Variants in ZDHHC11 observed in about 807,000 individuals in gnomAD.
The protein encoded by ZDHHC11 is palmitoyltransferase ZDHHC11.
In ZDHHC11, 44 loss-of-function variants were observed where a neutral mutation model predicts 51.3. That is an observed-to-expected ratio of 0.86 (90% CI 0.67 to 1.10). The LOEUF (loss-of-function observed/expected upper bound fraction) is 1.10, where lower values mean the gene tolerates loss of function less well. Among genes scored for constraint, ZDHHC11 ranks in the 50% least tolerant of loss-of-function variants. The pLI, the probability that ZDHHC11 is intolerant of heterozygous loss-of-function variation, is 0.00. For synonymous variants in ZDHHC11, 163 were observed against 222.0 expected, an observed-to-expected ratio of 0.73 and a Z score of 2.36; for missense variants, 400 against 537.7, an observed-to-expected ratio of 0.74 and a Z score of 2.53.
chr5:842,979 C>G (rs938958225), intron 4 of ZDHHC11, among the ~76,000 whole-genome samples: 1 of 152,268 alleles, frequency 6.6e-6, no homozygotes, highest in African/African-American at 2.4e-5. Flanking sequence ...GCACGACCCT[C>G]CCACCTCAGA....
intron 1 of ZDHHC11, among the ~76,000 whole-genome samples, chr5:849,247 C>T (rs1321507381): frequency 6.6e-6 from 1 of 152,150 alleles, no homozygotes; most frequent in Non-Finnish European, 1.5e-5. Context: ...CTGTTGGACA[C>T]AGGGCAAATC....
chr5:853,097 GAC>G (rs1747532345), upstream of ZDHHC11, among the ~76,000 whole-genome samples: 1 of 146,954 alleles, frequency 6.8e-6, no homozygotes, highest in Non-Finnish European at 1.5e-5. Flanking sequence ...CGAGCCAGGG[GAC>G]ACAGGCCCCA....
chr5:837,560 T>G, intron 5 of ZDHHC11, 80 bp from the exon 6 acceptor site: 1 of 1,457,300 alleles, frequency 6.9e-7, no homozygotes, highest in Non-Finnish European at 9.6e-7. Flanking sequence ...CTCAGCAGAG[T>G]GGCCAGTGCC....
rs200380778 is a variant in ZDHHC11 at position 825,252 on chromosome 5, C to T, written c.936-1G>A. 20 of 1,612,186 alleles carry T rather than the reference C, an allele frequency of 1.2e-5. No homozygotes were observed. The highest frequency in any genetic ancestry group is 1.7e-4 in the Middle Eastern group (1 of 6,060). ...CAGCAGGGAGCTCTTGGCTTTGACT[C>T]TGGTGGGACAGAAAGGAGGAGAGAA... is the stretch of plus-strand genomic sequence containing the variant. On this transcript the variant is annotated splice_acceptor_variant, in intron 7 of 12. Transcript: ENST00000283441. LOFTEE classifies it high-confidence loss of function.
intron 4 of ZDHHC11, chr5:841,612 T>G (rs1299384869): frequency 1.0e-6 from 1 of 994,142 alleles, no homozygotes; most frequent in African/African-American, 1.7e-5. Flanking sequence ...CATGGCCCAC[T>G]CTGTGTCCCT....
chr5:824,104 AG>A (rs1741945878), intron 8 of ZDHHC11: 3 of 454,636 alleles, frequency 6.6e-6, no homozygotes, highest in African/African-American at 6.0e-5. Flanking sequence ...CTGCCCCCAC[AG>A]GGAAGGAGAA....
At chr5:856,932 C>T (rs190774656) in intron 1 of ZDHHC11, among the ~76,000 whole-genome samples, 70 of 151,450 alleles carry the variant, frequency 4.6e-4, no homozygotes, top group Non-Finnish European at 8.6e-4. Context: ...AAACCACACA[C>T]CACCGAGCAC....
At chr5:813,094 T>A (rs527796805) in intron 11 of ZDHHC11, among the ~76,000 whole-genome samples, 2 of 145,122 alleles carry the variant, frequency 1.4e-5, no homozygotes, top group South Asian at 4.4e-4. Flanking sequence ...CCCAACACTT[T>A]AGGAGGCTGA....
chr5:808,869 T>A (rs1368478042), intron 11 of ZDHHC11, among the ~76,000 whole-genome samples: 1 of 146,442 alleles, frequency 6.8e-6, no homozygotes, highest in Non-Finnish European at 1.5e-5. Context: ...GGCTAATCCT[T>A]TTGTATTTTT....
chr5:816,447 T>C (rs535152728), intron 10 of ZDHHC11: 8 of 465,888 alleles, frequency 1.7e-5, no homozygotes, highest in Non-Finnish European at 3.0e-5. Context: ...CGTAGCGGCA[T>C]GTGGATAAGT....
intron 4 of ZDHHC11, among the ~76,000 whole-genome samples, chr5:842,977 C>T (rs1410761966): frequency 1.3e-5 from 2 of 152,264 alleles, no homozygotes; most frequent in African/African-American, 2.4e-5. Context: ...CAGCACGACC[C>T]TCCCACCTCA....
intron 1 of ZDHHC11, among the ~76,000 whole-genome samples, chr5:858,398 C>CAA (rs1748587424): frequency 7.1e-6 from 1 of 140,896 alleles, no homozygotes; most frequent in African/African-American, 2.8e-5. Context: ...GTCCAGGTCC[C>CAA]CGTCCTGTCT....
chr5:801,189 A>G (rs201238003), intron 11 of ZDHHC11, 25 bp from the exon 12 acceptor site: 22,945 of 1,598,454 alleles, frequency 0.014, 756 homozygotes, highest in Non-Finnish European at 0.016. Flanking sequence ...CAGAAAGAGA[A>G]ACAACAGAGA....
intron 7 of ZDHHC11, among the ~76,000 whole-genome samples, chr5:828,674 C>G (rs1370790445): frequency 1.1e-4 from 17 of 151,210 alleles, no homozygotes; most frequent in Admixed American, 1.1e-3. Context: ...TTACAGAACA[C>G]TCTACCCAAC....
At chr5:848,355 C>A in intron 2 of ZDHHC11, 127 bp downstream of exon 2, 1 of 510,634 alleles carries the variant, frequency 2.0e-6, no homozygotes, top group Non-Finnish European at 3.3e-6. Context: ...CAGGGCCGGG[C>A]CCTGGAAGCT....
At chr5:808,517 TTAC>T (rs1280315094) in intron 11 of ZDHHC11, among the ~76,000 whole-genome samples, 1 of 148,888 alleles carries the variant, frequency 6.7e-6, no homozygotes, top group African/African-American at 2.5e-5. Flanking sequence ...TCCAACACAC[TTAC>T]GTGTTCCATC....
chr5:857,219 G>A (rs762852422), intron 1 of ZDHHC11, among the ~76,000 whole-genome samples: 4 of 152,214 alleles, frequency 2.6e-5, no homozygotes, highest in Non-Finnish European at 4.4e-5. Context: ...ACCGATGCCC[G>A]GGGAACTGGC....
At chr5:835,118 T>C (rs1361195128) in intron 6 of ZDHHC11, among the ~76,000 whole-genome samples, 1 of 151,484 alleles carries the variant, frequency 6.6e-6, no homozygotes, top group African/African-American at 2.4e-5. Context: ...AGAGATTTCA[T>C]TCTATGCTTG....
In ZDHHC11 at chr5:850,676, C is replaced by G. The variant is rs893235102; in HGVS notation, c.-74G>C. The G allele has an allele frequency of 6.4e-7, 1 of 1,560,166 alleles. No homozygotes were observed. Among genetic ancestry groups the G allele is most frequent in the Non-Finnish European group, 8.7e-7 (1 of 1,146,484 alleles). ...CCGGCCCCGCCCACTGTCACAGAGA[C>G]CAAGGGGACTGGGAATGCAGCCGCC... On this transcript the variant is annotated 5_prime_UTR_variant, in exon 1 of 13. Coordinates refer to ENST00000283441, the MANE Select transcript of ZDHHC11 (RefSeq NM_024786.3).
Sources: allele counts gnomAD v4.1 joint callset (sites outside exome capture counted in the v4.1 genomes callset), GRCh38; gene constraint gnomAD v4.1.1; transcripts MANE v1.5; gene names NCBI Gene and HGNC (gene_info 2026-07-23, HGNC 2026-07-21).